Variants in SPART observed in about 807,000 individuals in gnomAD.
SPART encodes spartin.
In SPART, 35 loss-of-function variants were observed where a neutral mutation model predicts 58.7. The observed-to-expected ratio is 0.60, with a 90% CI of 0.46 to 0.79. The LOEUF (loss-of-function observed/expected upper bound fraction) is 0.79, where lower values mean the gene tolerates loss of function less well. Among genes scored for constraint, SPART ranks in the 30% least tolerant of loss-of-function variants. The pLI is 0.00. For synonymous variants in SPART, 284 were observed against 280.7 expected, an observed-to-expected ratio of 1.01 and a Z score of -0.12; for missense variants, 730 against 786.1, an observed-to-expected ratio of 0.93 and a Z score of 0.85.
At chr13:36,336,341 A>G (rs540583479) in intron 1 of SPART, 3 of 153,578 alleles carry the variant, frequency 2.0e-5, no homozygotes, top group Admixed American at 6.5e-5. Context: ...TGCTTCCCCA[A>G]ATCCCACTAA....
At chr13:36,337,582 G>A (rs1385729808) in intron 1 of SPART, among the ~76,000 whole-genome samples, 3 of 151,992 alleles carry the variant, frequency 2.0e-5, no homozygotes, top group African/African-American at 4.8e-5. Flanking sequence ...TTCATCTTCC[G>A]CCATGACTGT....
rs760032654 is a variant in SPART at position 36,331,384 on chromosome 13, G to T, written c.1008+15C>A. ...AGTAGATTTTTTTCACCCTAAAGAT[G>T]ATCACACAAGTTACCTGGAGCCGAA... On this transcript the variant is annotated intron_variant, in intron 3 of 8. Transcript: ENST00000438666. 1.2e-6 allele frequency: 2 copies of T among 1,611,938 alleles called. No individual in the cohort carries two copies. The highest frequency in any genetic ancestry group is 1.1e-5 in the South Asian group (1 of 90,994).
At chr13:36,363,543 C>T (rs577655115) in intron 1 of SPART, among the ~76,000 whole-genome samples, 3 of 152,070 alleles carry the variant, frequency 2.0e-5, no homozygotes, top group South Asian at 2.1e-4. Context: ...TTTTATTGAC[C>T]AGAGGCAGAT....
intron 1 of SPART, among the ~76,000 whole-genome samples, chr13:36,345,152 A>C (rs1436965260): frequency 6.6e-6 from 1 of 152,172 alleles, no homozygotes; most frequent in Non-Finnish European, 1.5e-5. Context: ...CCCTTTACCA[A>C]AAAAGCGGAG....
chr13:36,327,044 C>T (rs1178400639), intron 4 of SPART, among the ~76,000 whole-genome samples: 2 of 152,108 alleles, frequency 1.3e-5, no homozygotes. Flanking sequence ...ACATGGTACT[C>T]AGTAAGATTA....
At chr13:36,306,205 C>T (rs554042616) in intron 8 of SPART, among the ~76,000 whole-genome samples, 12 of 152,292 alleles carry the variant, frequency 7.9e-5, no homozygotes, top group East Asian at 3.9e-4. Context: ...ACAACTGCTT[C>T]GGACAGTCCC....
chr13:36,368,934 G>GT (rs1886171540), intron 1 of SPART, among the ~76,000 whole-genome samples: 3 of 152,166 alleles, frequency 2.0e-5, no homozygotes, highest in African/African-American at 7.2e-5. Flanking sequence ...AGGAGGCGGA[G>GT]GTTTCAGTGA....
In SPART at chr13:36,332,711, G is replaced by A. The variant is rs755003413; in HGVS notation, c.811-1115C>T. On this transcript the variant is annotated intron_variant, in intron 2 of 8. Coordinates refer to ENST00000438666, the MANE Select transcript of SPART (RefSeq NM_015087.5). The stretch of plus-strand genomic sequence containing the variant: ...AGGTCGGCTTGCCAGTACATACACA[G>A]ACATAAGCTCACATCCTGGCTGCCT... Among the ~76,000 whole-genome samples, 2 of 152,110 alleles carry A rather than the reference G, an allele frequency of 1.3e-5. 1 individual carries two copies. The highest frequency in any genetic ancestry group is 1.3e-4 in the Admixed American group (2 of 15,276).
chr13:36,317,377 G>A (rs1881821923), intron 5 of SPART, among the ~76,000 whole-genome samples: 1 of 151,938 alleles, frequency 6.6e-6, no homozygotes, highest in Non-Finnish European at 1.5e-5. Context: ...GGAGGGGCAA[G>A]TACCCCAACC....
At chr13:36,304,755 G>A (rs989148257) in intron 8 of SPART, 123 bp from the exon 9 acceptor site, 1 of 1,015,876 alleles carries the variant, frequency 9.8e-7, no homozygotes, top group Non-Finnish European at 1.4e-6. Flanking sequence ...TAAAGCTTAG[G>A]TTTCAATTTA....
intron 8 of SPART, among the ~76,000 whole-genome samples, chr13:36,305,449 A>G (rs557800000): frequency 6.6e-6 from 1 of 152,090 alleles, no homozygotes; most frequent in Non-Finnish European, 1.5e-5. Context: ...ACCCTATTGG[A>G]GAGGAGAATC....
At chr13:36,311,927 A>T (rs1413992785) in intron 8 of SPART, among the ~76,000 whole-genome samples, 1 of 148,040 alleles carries the variant, frequency 6.8e-6, no homozygotes, top group Non-Finnish European at 1.5e-5. Context: ...ATTTCTACTA[A>T]AAAAAAAAAA....
chr13:36,350,315 A>G (rs575666420), upstream of SPART, among the ~76,000 whole-genome samples: 8 of 152,346 alleles, frequency 5.3e-5, no homozygotes, highest in African/African-American at 1.9e-4. Context: ...GAGCTCTTTC[A>G]GTCAGGAACT....
At chr13:36,319,216 C>CTG (rs576415509) in intron 5 of SPART, among the ~76,000 whole-genome samples, 2 of 148,282 alleles carry the variant, frequency 1.3e-5, no homozygotes, top group Admixed American at 6.8e-5. Context: ...GGCTGAGACA[C>CTG]TAACTAAATT....
intron 1 of SPART, among the ~76,000 whole-genome samples, chr13:36,359,923 T>TAAAA (rs375878141): frequency 0.39 from 46,252 of 119,958 alleles, 9,554 homozygotes; most frequent in East Asian, 0.75. Flanking sequence ...GTTGTTAATT[T>TAAAA]AAAAAAAAAA....
intron 8 of SPART, among the ~76,000 whole-genome samples, chr13:36,307,982 T>G (rs1880685737): frequency 6.6e-6 from 1 of 152,122 alleles, no homozygotes; most frequent in Admixed American, 6.5e-5. Context: ...GAGCAATCGC[T>G]TATCACAGGC....
In SPART at chr13:36,314,285, C is replaced by T. The variant is rs1412418422; in HGVS notation, c.1425G>A (p.Lys475=). Residue 475 remains lysine, a synonymous_variant, in exon 6 of 9, where the codon AAG becomes AAA. Transcript: ENST00000438666. ...KPVEVSPAVT[K]GLYIAKQATG... is the part of the protein sequence containing the mutation. ...TAGCTTGCTTCGCTATATAAAGTCCCTTGGTGACAGCTGGACTAACTTCCA... is the reference window on the plus strand; with the variant it reads ...TAGCTTGCTTCGCTATATAAAGTCCTTTGGTGACAGCTGGACTAACTTCCA... 6.2e-7 allele frequency: 1 copy of T among 1,614,104 alleles called. No individual in the cohort carries two copies. The highest frequency in any genetic ancestry group is 1.3e-5 in the African/African-American group (1 of 75,010).
Position 36,331,544 on chromosome 13 carries a change from C to T in SPART, c.863G>A (p.Cys288Tyr). 6.2e-7 allele frequency: 1 copy of T among 1,614,040 alleles called. No individual in the cohort carries two copies. Among genetic ancestry groups the T allele is most frequent in the East Asian group, 2.2e-5 (1 of 44,872 alleles). ...LVPDRSPVLK[C>Y]TAGAYMFPDT... The stretch of plus-strand genomic sequence containing the variant: ...AGGAAACATGTAGGCTCCCGCAGTA[C>T]ATTTCAGAACCGGAGATCTATCAGG... Residue 288 changes from cysteine to tyrosine, a missense_variant, in exon 3 of 9, where the codon TGT becomes TAT. Coordinates refer to ENST00000438666, the MANE Select transcript of SPART (RefSeq NM_015087.5).
rs188093032 is a variant in SPART at position 36,362,833 on chromosome 13, A to G, written c.-3+7256T>C. 2.0e-5 allele frequency among the ~76,000 whole-genome samples: 3 copies of G among 152,282 alleles called. No homozygotes were observed. In the East Asian group the frequency reaches 5.8e-4, roughly 29 times the overall value. On this transcript the variant is annotated intron_variant, in intron 1 of 8. Transcript: ENST00000355182. ...TGAGATTTTGTTCCTAGGAGACTCT[A>G]AAAATTAATACCTTATTCCACTGTT...
Sources: gnomAD v4.1 joint callset for allele counts (sites outside exome capture counted in the v4.1 genomes callset) on GRCh38, gnomAD v4.1.1 for gene constraint, MANE v1.5 for transcripts, NCBI Gene and HGNC (gene_info 2026-07-23, HGNC 2026-07-21) for gene names.